NEK10: variants seen among roughly 807,000 people sequenced by gnomAD.
NEK10 encodes the protein NIMA related kinase 10, also known as serine/threonine-protein kinase Nek10.
A neutral mutation model predicts 159.8 loss-of-function variants in NEK10; 122 were observed. The ratio of observed to expected loss-of-function variants is 0.76; its 90% CI spans 0.66 to 0.89. The LOEUF is 0.89. Ranked by LOEUF, NEK10 falls within the 40% of genes least tolerant of loss-of-function variation. NEK10 has a pLI of 0.00. For synonymous variants in NEK10, 466 were observed against 457.1 expected (o/e 1.02, Z -0.25); for missense variants, 1,342 against 1,323.1 (o/e 1.01, Z -0.22).
chr3:27,288,085 T>G lies in NEK10; in HGVS notation c.1744-342A>C, dbSNP rs1232050170. On this transcript the variant is annotated intron_variant, in intron 19 of 35. Transcript: ENST00000691995. ...CCTTGTCACAACCCGACACACAGACTGTATAAAGGAGAAAAGTGAAATGCG... is the reference window on the plus strand; with the variant it reads ...CCTTGTCACAACCCGACACACAGACGGTATAAAGGAGAAAAGTGAAATGCG... Among the ~76,000 whole-genome samples the G allele has an allele frequency of 2.0e-5, 3 of 152,202 alleles. 1 individual carries two copies. Among genetic ancestry groups the G allele is most frequent in the African/African-American group, 7.2e-5 (3 of 41,466 alleles).
chr3:27,139,385 A>G (rs1444416220), intron 31 of NEK10, among the ~76,000 whole-genome samples: 1 of 152,156 alleles, frequency 6.6e-6, no homozygotes, highest in Non-Finnish European at 1.5e-5. Flanking sequence ...TCCTCATGAG[A>G]TCCAACACAA....
At chr3:27,362,578 G>C (rs1029760623) in intron 1 of NEK10, among the ~76,000 whole-genome samples, 1 of 150,278 alleles carries the variant, frequency 6.7e-6, no homozygotes, top group Non-Finnish European at 1.5e-5. Flanking sequence ...TTAGGTGGGC[G>C]CAAAAGTAAT....
At chr3:27,124,818 A>G (rs1361402891) in intron 32 of NEK10, among the ~76,000 whole-genome samples, 1 of 152,224 alleles carries the variant, frequency 6.6e-6, no homozygotes, top group Non-Finnish European at 1.5e-5. Flanking sequence ...AGCAGGTGGA[A>G]ATATGGAGGA....
intron 1 of NEK10, chr3:27,368,930 A>G (rs769065411): frequency 5.3e-5 from 8 of 152,302 alleles, no homozygotes; most frequent in Non-Finnish European, 7.3e-5. Context: ...AGACACATTC[A>G]GGCTCCATTT....
At position 27,338,184 on chromosome 3, in the gene NEK10, G is replaced by A. The variant is rs77907045; in HGVS notation, c.362+6088C>T. On this transcript the variant is annotated intron_variant, in intron 5 of 35. Coordinates refer to ENST00000691995, the MANE Select transcript of NEK10 (RefSeq NM_001394966.1). ...CTCCCACTTATGAGTGAGGACATGC[G>A]GTGTTTGGTTTTCTGTCCTTGTAAT... Among the ~76,000 whole-genome samples the A allele has an allele frequency of 6.6e-5, 10 of 152,240 alleles. No homozygotes were observed. The East Asian group carries it at 9.7e-4, about 15-fold the overall frequency.
intron 30 of NEK10, among the ~76,000 whole-genome samples, chr3:27,143,724 G>A (rs1026119262): frequency 2.0e-5 from 3 of 152,142 alleles, no homozygotes; most frequent in Non-Finnish European, 4.4e-5. Flanking sequence ...TTGTACAAAT[G>A]AGATTCAAGG....
At chr3:27,277,890 C>T (rs1002686770) in intron 22 of NEK10, among the ~76,000 whole-genome samples, 1 of 152,180 alleles carries the variant, frequency 6.6e-6, no homozygotes, top group South Asian at 2.1e-4. Context: ...GTCTTTCCTG[C>T]CTCTGGGATG....
chr3:27,160,580 C>A (rs1381229040), intron 30 of NEK10, among the ~76,000 whole-genome samples: 1 of 152,070 alleles, frequency 6.6e-6, no homozygotes, highest in East Asian at 1.9e-4. Flanking sequence ...AAAACCTAAC[C>A]ACTCTTTTTA....
intron 32 of NEK10, among the ~76,000 whole-genome samples, chr3:27,128,139 TTGTC>T (rs1942185574): frequency 6.6e-6 from 1 of 152,198 alleles, no homozygotes; most frequent in Non-Finnish European, 1.5e-5. Flanking sequence ...CTATTCAACT[TTGTC>T]TGTAAACAAA....
chr3:27,305,491 A>C, intron 11 of NEK10, among the ~76,000 whole-genome samples: 1 of 152,024 alleles, frequency 6.6e-6, no homozygotes, highest in East Asian at 1.9e-4. Flanking sequence ...TTGCCACTGC[A>C]CTCCAGCCTG....
Position 27,304,939 on chromosome 3 carries a change from G to A in NEK10, c.836C>T (p.Ala279Val). 6.2e-7 allele frequency: 1 copy of A among 1,612,940 alleles called. No homozygotes were observed. Among genetic ancestry groups the A allele is most frequent in the Non-Finnish European group, 8.5e-7 (1 of 1,179,484 alleles). The change falls in exon 12 of 36, where the codon GCA becomes GTA. Residue 279 changes from alanine to valine, a missense_variant. Physicochemically the swap from Ala to Val is moderately conservative, Grantham distance 64. Transcript: ENST00000691995. Reference sequence around the variant, plus strand: ...CACCTGCTCTTTCACCTGGGGCTCTGCACAAAGTAGGCGCAGCAACTCCGC... The same window carrying A: ...CACCTGCTCTTTCACCTGGGGCTCTACACAAAGTAGGCGCAGCAACTCCGC... ...LTAELLRLLC[A>V]EPQVKEQVKL...
intron 5 of NEK10, among the ~76,000 whole-genome samples, chr3:27,323,277 T>G (rs559639744): frequency 6.6e-6 from 1 of 152,266 alleles, no homozygotes; most frequent in South Asian, 2.1e-4. Flanking sequence ...GCACTGGGCT[T>G]TTCTACACTA....
chr3:27,146,473 A>T (rs1438141619), intron 30 of NEK10, among the ~76,000 whole-genome samples: 1 of 152,226 alleles, frequency 6.6e-6, no homozygotes, highest in Non-Finnish European at 1.5e-5. Context: ...AGCAAAAAAT[A>T]TATTGTTTTC....
intron 23 of NEK10, among the ~76,000 whole-genome samples, chr3:27,212,463 C>A (rs1951091231): frequency 6.6e-6 from 1 of 152,176 alleles, no homozygotes; most frequent in African/African-American, 2.4e-5. Context: ...TATGCGAAAA[C>A]CAATGGCCAT....
At chr3:27,323,352 AC>A (rs1459551001) in intron 5 of NEK10, among the ~76,000 whole-genome samples, 1 of 152,200 alleles carries the variant, frequency 6.6e-6, no homozygotes, top group Non-Finnish European at 1.5e-5. Flanking sequence ...AGACACTCCC[AC>A]TGGCTCTCTG....
intron 5 of NEK10, among the ~76,000 whole-genome samples, chr3:27,331,236 T>C (rs1258674208): frequency 1.3e-4 from 1 of 7,772 alleles, no homozygotes; most frequent in Non-Finnish European, 2.2e-4. Flanking sequence ...AGACTCTGTC[T>C]CAAAAAAAAA....
chr3:27,160,965 C>T (rs1393556340), intron 30 of NEK10, among the ~76,000 whole-genome samples: 3 of 151,976 alleles, frequency 2.0e-5, no homozygotes, highest in Non-Finnish European at 4.4e-5. Flanking sequence ...TATGAATCAG[C>T]AGATTTTAAA....
intron 29 of NEK10, among the ~76,000 whole-genome samples, 176 bp downstream of exon 29, chr3:27,171,643 C>T (rs1022490157): frequency 2.0e-5 from 3 of 152,134 alleles, no homozygotes; most frequent in Admixed American, 6.5e-5. Flanking sequence ...GGTCCAAGAT[C>T]AGTACCTGTT....
In NEK10 at chr3:27,201,559, G is replaced by A; in HGVS notation, c.2242C>T (p.Pro748Ser). 1 of 1,613,864 alleles carries A rather than the reference G, an allele frequency of 6.2e-7. No individual in the cohort carries two copies. Among genetic ancestry groups the A allele is most frequent in the Non-Finnish European group, 8.5e-7 (1 of 1,179,842 alleles). The change falls in exon 25 of 36, where the codon CCA (proline) becomes TCA (serine). Residue 748 changes from proline to serine, a missense_variant. By Grantham distance (74) the Pro-to-Ser change is moderately conservative. Coordinates refer to ENST00000691995, the MANE Select transcript of NEK10 (RefSeq NM_001394966.1). ...ATKIVEAVYE[P>S]VPEGIYSEKV... ...TCAGAGTAGATACCTTCTGGGACTG[G>A]TTCATATACCGCCTCCACTATCTGC...
Sources: allele counts gnomAD v4.1 joint callset (sites outside exome capture counted in the v4.1 genomes callset), GRCh38; gene constraint gnomAD v4.1.1; transcripts MANE v1.5; gene names NCBI Gene and HGNC (gene_info 2026-07-23, HGNC 2026-07-21).